CFAP95: variants seen among roughly 807,000 people sequenced by gnomAD.
CFAP95 encodes cilia and flagella associated protein 95.
At chr9:69,830,519 G>C in the CFAP95 span, among the ~76,000 whole-genome samples, 5 of 152,124 alleles carry the variant, frequency 3.3e-5, no homozygotes, top group Non-Finnish European at 5.9e-5. Context: ...CAGCCAACTT[G>C]TATCTACTCA....
chr9:69,828,632 G>A, the CFAP95 span, among the ~76,000 whole-genome samples: 2 of 152,170 alleles, frequency 1.3e-5, no homozygotes, highest in Admixed American at 6.5e-5. Context: ...GCAGTGAGCC[G>A]AGACTGAGCC....
the CFAP95 span, among the ~76,000 whole-genome samples, chr9:69,835,555 T>C: frequency 8.5e-3 from 1,293 of 152,380 alleles, 16 homozygotes; most frequent in African/African-American, 0.028. Flanking sequence ...ACTCTTCATT[T>C]TTATGGACAC....
chr9:69,851,546 T>A, the CFAP95 span, among the ~76,000 whole-genome samples: 3 of 152,172 alleles, frequency 2.0e-5, no homozygotes, highest in Non-Finnish European at 4.4e-5. Flanking sequence ...CTGCTCTGCT[T>A]TTCCTTTCCC....
the CFAP95 span, among the ~76,000 whole-genome samples, chr9:69,849,440 A>G: frequency 1.3e-5 from 2 of 152,138 alleles, no homozygotes; most frequent in Non-Finnish European, 2.9e-5. Flanking sequence ...TTGAGGCCCC[A>G]TTACTTTGCC....
chr9:69,873,383 C>T, the CFAP95 span, among the ~76,000 whole-genome samples: 3 of 152,020 alleles, frequency 2.0e-5, no homozygotes, highest in African/African-American at 4.8e-5. Flanking sequence ...AGGAAATGAC[C>T]GGCATGTCTG....
At chr9:69,840,028 CG>C in the CFAP95 span, among the ~76,000 whole-genome samples, 1 of 149,732 alleles carries the variant, frequency 6.7e-6, no homozygotes, top group African/African-American at 2.5e-5. Flanking sequence ...AGTGAGCTGA[CG>C]TCATACCATT....
chr9:69,902,265 A>G, the CFAP95 span: 2 of 446,894 alleles, frequency 4.5e-6, no homozygotes, highest in East Asian at 1.4e-4. Context: ...GTTCTTCCCT[A>G]TCTTCCTCCT....
the CFAP95 span, chr9:69,844,626 G>A: frequency 6.3e-7 from 1 of 1,593,632 alleles, no homozygotes; most frequent in South Asian, 1.1e-5. Flanking sequence ...TGAATCCCCA[G>A]TAAGTAGTTG....
the CFAP95 span, among the ~76,000 whole-genome samples, chr9:69,838,301 G>A: frequency 1.3e-5 from 2 of 152,064 alleles, no homozygotes; most frequent in African/African-American, 2.4e-5. Context: ...GGATGGCATT[G>A]AATCTATAAA....
the CFAP95 span, chr9:69,906,157 A>C: frequency 2.5e-5 from 38 of 1,546,492 alleles, no homozygotes; most frequent in Non-Finnish European, 3.1e-5. Flanking sequence ...TAGAATCAGC[A>C]TCTCTGACTA....
the CFAP95 span, among the ~76,000 whole-genome samples, chr9:69,851,506 G>T: frequency 1.3e-5 from 2 of 152,084 alleles, no homozygotes; most frequent in Non-Finnish European, 2.9e-5. Flanking sequence ...TGAAGGGTAG[G>T]CCGAGTTGGA....
the CFAP95 span, among the ~76,000 whole-genome samples, chr9:69,886,576 C>T: frequency 4.6e-5 from 7 of 152,052 alleles, no homozygotes; most frequent in Admixed American, 2.6e-4. Flanking sequence ...TCAGTACTAT[C>T]GGAGGCTTCA....
the CFAP95 span, among the ~76,000 whole-genome samples, chr9:69,826,824 G>A: frequency 2.0e-5 from 3 of 152,122 alleles, 1 homozygote; most frequent in Admixed American, 2.0e-4. Flanking sequence ...TCAAATAAAT[G>A]AGCAAATGAG....
At chr9:69,840,269 G>A in the CFAP95 span, among the ~76,000 whole-genome samples, 2 of 152,088 alleles carry the variant, frequency 1.3e-5, no homozygotes, top group Non-Finnish European at 2.9e-5. Context: ...CGGTAGCAAG[G>A]AGAATGAGGC....
At chr9:69,884,784 T>C in the CFAP95 span, 1 of 152,168 alleles carries the variant, frequency 6.6e-6, no homozygotes, top group South Asian at 2.1e-4. Context: ...ATGATTTTAA[T>C]TTGTTTTATG....
At chr9:69,875,835 G>T in the CFAP95 span, among the ~76,000 whole-genome samples, 1 of 152,020 alleles carries the variant, frequency 6.6e-6, no homozygotes, top group African/African-American at 2.4e-5. Flanking sequence ...TAAAGAAATG[G>T]TTTATCATGA....
At chr9:69,884,552 G>C in the CFAP95 span, 3 of 152,050 alleles carry the variant, frequency 2.0e-5, no homozygotes, top group Non-Finnish European at 4.4e-5. Flanking sequence ...CACCCCATAG[G>C]CATACAGCAC....
chr9:69,837,614 G>A, the CFAP95 span, among the ~76,000 whole-genome samples: 2 of 152,178 alleles, frequency 1.3e-5, no homozygotes, highest in Admixed American at 1.3e-4. Context: ...GGAGTTCATT[G>A]TAGATTCTGG....
chr9:69,836,687 T>G, the CFAP95 span, among the ~76,000 whole-genome samples: 1 of 108,492 alleles, frequency 9.2e-6, no homozygotes, highest in Admixed American at 9.9e-5. Context: ...TGGCTTCAAT[T>G]TCTTTTTTTT....
Sources: allele counts gnomAD v4.1 joint callset (sites outside exome capture counted in the v4.1 genomes callset), GRCh38; gene constraint gnomAD v4.1.1; transcripts MANE v1.5; gene names NCBI Gene and HGNC (gene_info 2026-07-23, HGNC 2026-07-21).